The following DCC variants were observed in gnomAD, a reference collection of about 807,000 sequenced individuals.
The protein encoded by DCC is netrin receptor DCC.
A neutral mutation model predicts 172.5 loss-of-function variants in DCC; 58 were observed. That is an observed-to-expected ratio of 0.34 (90% CI 0.27 to 0.42). The LOEUF (loss-of-function observed/expected upper bound fraction) is 0.42, where lower values mean the gene tolerates loss of function less well. Ranked by LOEUF, DCC falls within the 10% of genes least tolerant of loss-of-function variation. DCC has a pLI of 1.00. For synonymous variants in DCC, 709 were observed against 644.5 expected (o/e 1.10, Z -1.52); for missense variants, 1,740 against 1,791.0 (o/e 0.97, Z 0.51).
intron 2 of DCC, among the ~76,000 whole-genome samples, chr18:52,837,803 T>C (rs953948932): frequency 6.6e-6 from 1 of 152,222 alleles, no homozygotes; most frequent in Non-Finnish European, 1.5e-5. Context: ...CTCATGCTTC[T>C]ATAAAGATCT....
At chr18:52,411,562 C>T (rs1311887460) in intron 1 of DCC, among the ~76,000 whole-genome samples, 3 of 152,156 alleles carry the variant, frequency 2.0e-5, no homozygotes, top group Non-Finnish European at 4.4e-5. Context: ...TAGGGTCTGT[C>T]TTCTGGCCTG....
intron 2 of DCC, among the ~76,000 whole-genome samples, chr18:52,857,137 C>T (rs1275852803): frequency 1.3e-5 from 2 of 152,158 alleles, no homozygotes. Flanking sequence ...AAAATAATAT[C>T]ATGTATATTC....
chr18:52,833,034 A>G (rs955948929), intron 2 of DCC, among the ~76,000 whole-genome samples: 2 of 152,160 alleles, frequency 1.3e-5, no homozygotes, highest in African/African-American at 2.4e-5. Context: ...TTTAATAACA[A>G]TAGGGTTTTG....
intron 1 of DCC, among the ~76,000 whole-genome samples, chr18:52,434,315 A>G (rs1987719556): frequency 6.6e-6 from 1 of 152,160 alleles, no homozygotes; most frequent in African/African-American, 2.4e-5. Flanking sequence ...CTGGCATATC[A>G]TGGATAGAGA....
intron 5 of DCC, among the ~76,000 whole-genome samples, chr18:53,048,946 A>AT (rs1284957774): frequency 6.6e-6 from 1 of 151,798 alleles, no homozygotes; most frequent in African/African-American, 2.4e-5. Flanking sequence ...GATATTGAGC[A>AT]TTTTTTCATA....
intron 5 of DCC, among the ~76,000 whole-genome samples, chr18:53,013,904 AG>A (rs1243083722): frequency 2.6e-5 from 4 of 152,130 alleles, no homozygotes; most frequent in Non-Finnish European, 5.9e-5. Flanking sequence ...GACTGGTGAA[AG>A]TTTCAACGAA....
intron 2 of DCC, among the ~76,000 whole-genome samples, chr18:52,821,647 G>T (rs80329958): frequency 0.011 from 1,696 of 152,282 alleles, 14 homozygotes; most frequent in Middle Eastern, 0.034. Flanking sequence ...GTCTGCCTCA[G>T]TTCTTAATTA....
At chr18:52,383,062 C>A (rs1985652105) in intron 1 of DCC, among the ~76,000 whole-genome samples, 1 of 152,152 alleles carries the variant, frequency 6.6e-6, no homozygotes, top group South Asian at 2.1e-4. Flanking sequence ...TCTAATTCTT[C>A]ACCATTACAC....
chr18:52,806,120 A>G (rs1328765889), intron 2 of DCC, among the ~76,000 whole-genome samples: 1 of 152,184 alleles, frequency 6.6e-6, no homozygotes, highest in Non-Finnish European at 1.5e-5. Context: ...AATAAATCAG[A>G]AGCTTGCTGT....
chr18:53,266,326 GAC>G (rs1237892759), intron 12 of DCC, among the ~76,000 whole-genome samples: 1 of 152,166 alleles, frequency 6.6e-6, no homozygotes, highest in African/African-American at 2.4e-5. Flanking sequence ...TATTTAAAAA[GAC>G]AGCAGTTGGA....
chr18:52,465,690 C>T lies in DCC; in HGVS notation c.91+124812C>T, dbSNP rs9944680. On this transcript the variant is annotated intron_variant, in intron 1 of 28. Coordinates refer to ENST00000442544, the MANE Select transcript of DCC (RefSeq NM_005215.4). ...CCTGGATCCTTTAAAAAGCCAGCTCCATTGTTCAAGGCATTTCTTGAAGGA... is the reference window on the plus strand; with the variant it reads ...CCTGGATCCTTTAAAAAGCCAGCTCTATTGTTCAAGGCATTTCTTGAAGGA... 5.7e-3 allele frequency among the ~76,000 whole-genome samples: 872 copies of T among 152,226 alleles called. 15 individuals carry two copies. Among genetic ancestry groups the T allele is most frequent in the African/African-American group, 0.02 (843 of 41,570 alleles).
At chr18:53,403,767 G>A (rs573325574) in intron 19 of DCC, among the ~76,000 whole-genome samples, 18 of 152,086 alleles carry the variant, frequency 1.2e-4, no homozygotes, top group South Asian at 8.3e-4. Flanking sequence ...TAATTCAGCC[G>A]TCCCGTGATA....
At chr18:52,700,287 CAT>C (rs201580311) in intron 1 of DCC, among the ~76,000 whole-genome samples, 4 of 81,318 alleles carry the variant, frequency 4.9e-5, no homozygotes, top group Admixed American at 2.2e-4. Context: ...CATGCACACA[CAT>C]GCACATCCAC....
At position 52,386,796 on chromosome 18, in the gene DCC, C is replaced by T. The variant is rs142251936; in HGVS notation, c.91+45918C>T. Among the ~76,000 whole-genome samples, 266 of 152,174 alleles carry T rather than the reference C, an allele frequency of 1.7e-3. 4 individuals carry two copies. The highest frequency in any genetic ancestry group is 5.8e-3 in the African/African-American group (241 of 41,516). On this transcript the variant is annotated intron_variant, in intron 1 of 28. Coordinates refer to ENST00000442544, the MANE Select transcript of DCC (RefSeq NM_005215.4). ...TATAATTTCTAATATATTACAATTG[C>T]ACACATAGTTTGTACACATTACACA...
Position 53,499,617 on chromosome 18 carries a change from G to C in DCC, c.4111+107G>C, listed in dbSNP as rs1203005968. ...CCTAGATGTCATATATCTTTTCAAT[G>C]CTGATTACATGCCCAGTGTGCTCAT... On this transcript the variant is annotated intron_variant, in intron 27 of 28. Coordinates refer to ENST00000442544, the MANE Select transcript of DCC (RefSeq NM_005215.4). 47 of 929,160 alleles carry C rather than the reference G, an allele frequency of 5.1e-5. 1 individual carries two copies. The South Asian group carries it at 5.9e-4, about 12-fold the overall frequency. 57.6% of individuals were successfully genotyped at this position (929,160 alleles called of 1,614,324 possible). A position where few individuals can be genotyped will look rare whatever the true frequency, so the allele number is the denominator to read the frequency against.
intron 1 of DCC, among the ~76,000 whole-genome samples, chr18:52,568,419 C>T (rs2033214522): frequency 6.6e-6 from 1 of 151,934 alleles, no homozygotes; most frequent in African/African-American, 2.4e-5. Context: ...CCATAAGCAA[C>T]AACTAAAAAA....
At chr18:52,614,080 C>T (rs1381555250) in intron 1 of DCC, among the ~76,000 whole-genome samples, 2 of 152,062 alleles carry the variant, frequency 1.3e-5, no homozygotes, top group Non-Finnish European at 2.9e-5. Flanking sequence ...TTTCTTGCTT[C>T]TCTGCCAGCC....
chr18:52,375,466 T>C (rs1372937728), intron 1 of DCC, among the ~76,000 whole-genome samples: 1 of 152,244 alleles, frequency 6.6e-6, no homozygotes, highest in Non-Finnish European at 1.5e-5. Context: ...ATCATATAAT[T>C]AATCTTTATT....
intron 2 of DCC, among the ~76,000 whole-genome samples, chr18:52,860,524 A>G (rs1366087072): frequency 6.6e-6 from 1 of 152,256 alleles, no homozygotes; most frequent in African/African-American, 2.4e-5. Flanking sequence ...ATCTAAAAAC[A>G]TATGTACTAC....
Sources: gnomAD v4.1 joint callset for allele counts (sites outside exome capture counted in the v4.1 genomes callset) on GRCh38, gnomAD v4.1.1 for gene constraint, MANE v1.5 for transcripts, NCBI Gene and HGNC (gene_info 2026-07-23, HGNC 2026-07-21) for gene names.